PDZRN4: variants seen among roughly 807,000 people sequenced by gnomAD.
PDZRN4 encodes the protein PDZ domain-containing RING finger protein 4.
Under a neutral mutation model 99.0 loss-of-function variants are expected in PDZRN4, and 70 were observed. That is an observed-to-expected ratio of 0.71 (90% CI 0.58 to 0.86). The LOEUF is 0.86. Among genes scored for constraint, PDZRN4 ranks in the 40% least tolerant of loss-of-function variants. PDZRN4 has a pLI of 0.00. For synonymous variants in PDZRN4, 551 were observed against 501.6 expected (o/e 1.10, Z -1.32); for missense variants, 1,474 against 1,331.2 (o/e 1.11, Z -1.67).
intron 5 of PDZRN4, among the ~76,000 whole-genome samples, chr12:41,547,733 CT>C (rs1205356807): frequency 6.6e-6 from 1 of 152,200 alleles, no homozygotes; most frequent in Non-Finnish European, 1.5e-5. Flanking sequence ...CTGACATCGA[CT>C]GTTGTTTGCC....
chr12:41,429,913 A>T (rs1246290673), intron 3 of PDZRN4, among the ~76,000 whole-genome samples: 2 of 152,128 alleles, frequency 1.3e-5, no homozygotes, highest in Non-Finnish European at 2.9e-5. Flanking sequence ...AACTAAAAAT[A>T]GTGATAGTAG....
chr12:41,425,042 C>T (rs1592054736), intron 3 of PDZRN4, among the ~76,000 whole-genome samples: 2 of 151,802 alleles, frequency 1.3e-5, no homozygotes, highest in Admixed American at 6.6e-5. Context: ...TGGCATGGAT[C>T]GAAACAACAT....
chr12:41,342,429 G>A (rs1463801576), intron 3 of PDZRN4, among the ~76,000 whole-genome samples: 1 of 151,724 alleles, frequency 6.6e-6, no homozygotes, highest in African/African-American at 2.4e-5. Flanking sequence ...GAAAATATTT[G>A]CAAACTATAG....
chr12:41,349,605 T>C (rs1951877071), intron 3 of PDZRN4, among the ~76,000 whole-genome samples: 1 of 152,036 alleles, frequency 6.6e-6, no homozygotes, highest in African/African-American at 2.4e-5. Context: ...TAATAATCCA[T>C]GTGTCCTTCC....
At chr12:41,197,241 G>T (rs182664764) in intron 3 of PDZRN4, among the ~76,000 whole-genome samples, 4 of 152,080 alleles carry the variant, frequency 2.6e-5, no homozygotes, top group Admixed American at 1.3e-4. Context: ...TGTTCTGTTG[G>T]TGGTTAAAAA....
intron 1 of PDZRN4, among the ~76,000 whole-genome samples, chr12:41,190,094 T>G (rs1260794815): frequency 6.6e-6 from 1 of 152,224 alleles, no homozygotes; most frequent in African/African-American, 2.4e-5. Flanking sequence ...TTGCGCACCA[T>G]TCAAGGAGCT....
chr12:41,507,198 C>T (rs532404544), intron 4 of PDZRN4, among the ~76,000 whole-genome samples: 12 of 152,098 alleles, frequency 7.9e-5, no homozygotes, highest in South Asian at 4.2e-4. Flanking sequence ...AATTCTCTGA[C>T]GAAAGCACTT....
At chr12:41,534,583 A>T (rs1428305892) in intron 5 of PDZRN4, among the ~76,000 whole-genome samples, 1 of 152,154 alleles carries the variant, frequency 6.6e-6, no homozygotes, top group East Asian at 1.9e-4. Flanking sequence ...GCTGAGGCTA[A>T]TGGCTTCCAG....
chr12:41,221,162 C>A (rs1406394087), intron 3 of PDZRN4, among the ~76,000 whole-genome samples: 1 of 152,122 alleles, frequency 6.6e-6, no homozygotes, highest in African/African-American at 2.4e-5. Flanking sequence ...GAGGGGCTAC[C>A]CAGGAGAGCT....
In PDZRN4 at chr12:41,188,580, T is replaced by A; in HGVS notation, c.125T>A (p.Leu42Gln). 2 of 1,545,258 alleles carry A rather than the reference T, an allele frequency of 1.3e-6. No homozygotes were observed. The highest frequency in any genetic ancestry group is 2.4e-5 in the South Asian group (2 of 84,812). The change falls in exon 1 of 10, where the codon CTG becomes CAG. Residue 42 changes from leucine (L) to glutamine (Q), a missense_variant. Leu to Gln is a moderately radical substitution (Grantham distance 113). Transcript: ENST00000402685. ...PCGHVFCASCLLPWAVRRRRC... is the reference protein window; with the variant it reads ...PCGHVFCASCQLPWAVRRRRC... ...GGGCACGTCTTCTGCGCCAGCTGCC[T>A]GTTGCCCTGGGCGGTGCGGAGGCGC...
At chr12:41,341,699 AAAACAC>A (rs1160504079) in intron 3 of PDZRN4, among the ~76,000 whole-genome samples, 1 of 151,922 alleles carries the variant, frequency 6.6e-6, no homozygotes, top group Non-Finnish European at 1.5e-5. Context: ...GAAATTGAAG[AAAACAC>A]AAATAAATGA....
intron 3 of PDZRN4, among the ~76,000 whole-genome samples, chr12:41,462,757 C>A (rs1163582348): frequency 1.3e-5 from 2 of 150,610 alleles, no homozygotes; most frequent in East Asian, 3.9e-4. Flanking sequence ...AATTGATGAA[C>A]ACAATTATGT....
intron 3 of PDZRN4, among the ~76,000 whole-genome samples, chr12:41,317,846 A>G (rs1476698304): frequency 6.6e-6 from 1 of 152,154 alleles, no homozygotes; most frequent in East Asian, 1.9e-4. Flanking sequence ...ACTCACTACA[A>G]GAGTGATTTT....
At chr12:41,286,336 C>CTTTTTTTTTTTTTTTT (rs71081721) in intron 3 of PDZRN4, among the ~76,000 whole-genome samples, 458 of 106,078 alleles carry the variant, frequency 4.3e-3, no homozygotes, top group East Asian at 6.1e-3. Flanking sequence ...CCTTCTTCTT[C>CTTTTTTTTTTTTTTTT]TTTTTTTTTT....
At chr12:41,363,296 T>C (rs1422079906) in intron 3 of PDZRN4, among the ~76,000 whole-genome samples, 2 of 152,070 alleles carry the variant, frequency 1.3e-5, no homozygotes, top group Admixed American at 6.6e-5. Flanking sequence ...CTTAAAATGG[T>C]TTCAAATGTG....
intron 3 of PDZRN4, among the ~76,000 whole-genome samples, chr12:41,428,069 T>C (rs531083576): frequency 9.9e-5 from 15 of 152,136 alleles, no homozygotes; most frequent in Non-Finnish European, 2.1e-4. Context: ...GCCTGGGCAA[T>C]AGAGTGAGAC....
intron 3 of PDZRN4, among the ~76,000 whole-genome samples, chr12:41,420,646 G>A (rs552088088): frequency 8.6e-4 from 131 of 152,106 alleles, no homozygotes; most frequent in African/African-American, 2.5e-3. Flanking sequence ...TTATATTTCT[G>A]CAGATTTGCA....
intron 9 of PDZRN4, among the ~76,000 whole-genome samples, chr12:41,568,582 G>T (rs1939419458): frequency 6.6e-6 from 1 of 152,016 alleles, no homozygotes; most frequent in Admixed American, 6.6e-5. Flanking sequence ...AGAATAAAAA[G>T]AAAAATGAGC....
intron 3 of PDZRN4, among the ~76,000 whole-genome samples, chr12:41,432,498 G>A (rs1952593608): frequency 6.6e-6 from 1 of 152,158 alleles, no homozygotes; most frequent in Non-Finnish European, 1.5e-5. Context: ...TCATCCCCCA[G>A]TTACACTCAT....
Sources: allele counts gnomAD v4.1 joint callset (sites outside exome capture counted in the v4.1 genomes callset), GRCh38; gene constraint gnomAD v4.1.1; transcripts MANE v1.5; gene names NCBI Gene and HGNC (gene_info 2026-07-23, HGNC 2026-07-21).